ACAD8: variants seen among roughly 807,000 people sequenced by gnomAD.
ACAD8 encodes the protein acyl-CoA dehydrogenase family member 8.
In ACAD8, 47 loss-of-function variants were observed where a neutral mutation model predicts 53.1. That is an observed-to-expected ratio of 0.89 (90% CI 0.70 to 1.13). The LOEUF (loss-of-function observed/expected upper bound fraction) is 1.13, where lower values mean the gene tolerates loss of function less well. Ranked by LOEUF, ACAD8 falls within the 50% of genes most tolerant of loss-of-function variation. The probability of loss-of-function intolerance (pLI) is 0.00; values close to 1 mark genes in which losing one functional copy is unlikely to be tolerated. For synonymous variants in ACAD8, 198 were observed against 201.3 expected, an observed-to-expected ratio of 0.98 and a Z score of 0.14; for missense variants, 494 against 535.0, an observed-to-expected ratio of 0.92 and a Z score of 0.76.
Position 134,261,462 on chromosome 11 carries a change from A to G in ACAD8, c.939+90A>G. The G allele has an allele frequency of 1.3e-6, 2 of 1,544,278 alleles. No individual in the cohort carries two copies. Among genetic ancestry groups the G allele is most frequent in the Non-Finnish European group, 1.8e-6 (2 of 1,120,642 alleles). On this transcript the variant is annotated intron_variant, in intron 8 of 10. Transcript: ENST00000281182. This position sits in a 1 kb window ranked among gnomAD's most constrained non-coding sequence, Gnocchi z 4.2. ...CACATTTCCAGGAGAGAAGCCAGGA[A>G]ATTCCTCTGTCAGTCCCACCACTGT...
chr11:134,257,260 G>A lies in ACAD8; in HGVS notation c.380+3G>A. On this transcript the variant is annotated splice_donor_region_variant and intron_variant, in intron 3 of 10. Coordinates refer to ENST00000281182, the MANE Select transcript of ACAD8 (RefSeq NM_014384.3). The stretch of plus-strand genomic sequence containing the variant: ...ACAGCCTATATAAGCATCCACAAGT[G>A]AGTGCCCAAGCTTGGAAGGCACAAT... 1.2e-6 allele frequency: 2 copies of A among 1,614,146 alleles called. No individual in the cohort carries two copies. Among genetic ancestry groups the A allele is most frequent in the South Asian group, 1.1e-5 (1 of 91,082 alleles).
intron 10 of ACAD8, 91 bp downstream of exon 10, chr11:134,262,713 CAG>C (rs1283828975): frequency 1.3e-6 from 2 of 1,524,176 alleles, no homozygotes; most frequent in African/African-American, 2.8e-5. Context: ...TCCTGGGCCT[CAG>C]GGTGCAGTCA....
Position 134,264,907 on chromosome 11 carries a change from GGTAGCAAT to G in ACAD8, c.1197_1204del (p.Asn401AspfsTer7). The G allele has an allele frequency of 6.2e-7, 1 of 1,614,058 alleles. No individual in the cohort carries two copies. On this transcript the variant is annotated frameshift_variant and splice_region_variant, in exon 11 of 11. Transcript: ENST00000281182. LOFTEE classifies it high-confidence loss of function. ...TTCTTCCTCCTTCCTCCCTCTTACA[GGTAGCAAT>G]GAAGTGATGAGGATACTGATCTCTA...
intron 1 of ACAD8, 90 bp downstream of exon 1, chr11:134,253,799 A>G: frequency 7.5e-7 from 1 of 1,325,718 alleles, no homozygotes. Flanking sequence ...CGTTCCATCC[A>G]GTCACCCCGG....
At chr11:134,257,639 T>TCCA in intron 3 of ACAD8, 1 of 322,628 alleles carries the variant, frequency 3.1e-6, no homozygotes, top group South Asian at 2.7e-5. Flanking sequence ...ACCACTGCAC[T>TCCA]CCAGCCTGGG....
chr11:134,257,772 A>G (rs1234329034), intron 3 of ACAD8: 1 of 184,242 alleles, frequency 5.4e-6, no homozygotes, highest in Non-Finnish European at 1.2e-5. Flanking sequence ...CAGGTCAGCC[A>G]GCTTTCTCAG....
chr11:134,262,761 G>A (rs1007000309), intron 10 of ACAD8, 139 bp downstream of exon 10: 30 of 1,504,426 alleles, frequency 2.0e-5, no homozygotes, highest in African/African-American at 9.7e-5. Flanking sequence ...CCTCCCTCCC[G>A]TTCCGCAGAG....
chr11:134,261,949 T>G lies in ACAD8; in HGVS notation c.1092+59T>G, dbSNP rs970568363. On this transcript the variant is annotated intron_variant, in intron 9 of 10. Transcript: ENST00000281182. This position sits in a 1 kb window ranked among gnomAD's most constrained non-coding sequence, Gnocchi z 4.2. ...AGGGAACAGCTGCTAGGCCCAGGGG[T>G]CTTGAGAGACATGAGTCAGATTTGG... 14 of 1,596,366 alleles carry G rather than the reference T, an allele frequency of 8.8e-6. No individual in the cohort carries two copies. Among genetic ancestry groups the G allele is most frequent in the Admixed American group, 3.4e-5 (2 of 59,194 alleles).
At chr11:134,253,927 G>T (rs1939293088) in intron 1 of ACAD8, among the ~76,000 whole-genome samples, 1 of 148,934 alleles carries the variant, frequency 6.7e-6, no homozygotes, top group Admixed American at 6.6e-5. Flanking sequence ...CATCTGGCCC[G>T]TCACCCCTGC....
intron 2 of ACAD8, 72 bp from the exon 3 acceptor site, chr11:134,257,016 C>T: frequency 1.3e-6 from 2 of 1,530,858 alleles, no homozygotes; most frequent in Non-Finnish European, 9.1e-7. Context: ...CTCCTAATCC[C>T]TCACTGTGCC....
intron 1 of ACAD8, among the ~76,000 whole-genome samples, chr11:134,254,072 G>T (rs1334936295): frequency 6.6e-6 from 1 of 151,900 alleles, no homozygotes; most frequent in Admixed American, 6.6e-5. Flanking sequence ...TTCCCCTCCG[G>T]CCCGGGTCCT....
At chr11:134,254,855 A>G (rs1299591821) in intron 1 of ACAD8, among the ~76,000 whole-genome samples, 1 of 152,194 alleles carries the variant, frequency 6.6e-6, no homozygotes, top group African/African-American at 2.4e-5. Context: ...GTAACTATGT[A>G]TTGGCATCTT....
chr11:134,253,712 A>G lies in ACAD8; in HGVS notation c.109+3A>G. ...GAGCTTGACCTCCTGCATCGACCGT[A>G]AGGATCTCCTGGCGGGCAGTAGGAC... On this transcript the variant is annotated splice_donor_region_variant and intron_variant, in intron 1 of 10. Transcript: ENST00000281182. 1 of 1,592,948 alleles carries G rather than the reference A, an allele frequency of 6.3e-7. No homozygotes were observed. Among genetic ancestry groups the G allele is most frequent in the Non-Finnish European group, 8.5e-7 (1 of 1,170,860 alleles).
In ACAD8 at chr11:134,259,647, G is replaced by A. The variant is rs759877257; in HGVS notation, c.607G>A (p.Val203Ile). Residue 203 changes from valine to isoleucine, a missense_variant, in exon 6 of 11, where the codon GTC becomes ATC. Physicochemically the swap from Val to Ile is conservative, Grantham distance 29. Coordinates refer to ENST00000281182, the MANE Select transcript of ACAD8 (RefSeq NM_014384.3). ...TGCTGGTGAGTCAGACATCTATGTG[G>A]TCATGTGCCGAACAGGAGGACCAGG... ...SGAGESDIYV[V>I]MCRTGGPGPK... is the part of the protein sequence containing the mutation. The A allele has an allele frequency of 8.9e-5, 143 of 1,614,096 alleles. No individual in the cohort carries two copies. The highest frequency in any genetic ancestry group is 1.1e-4 in the Non-Finnish European group (125 of 1,180,044).
At chr11:134,262,948 C>T (rs1015607185) in intron 10 of ACAD8, 4 of 1,263,080 alleles carry the variant, frequency 3.2e-6, no homozygotes, top group Non-Finnish European at 4.1e-6. Flanking sequence ...TTATCGAGTA[C>T]GTGGTTCTCA....
At chr11:134,264,287 G>A (rs969880754) in intron 10 of ACAD8, among the ~76,000 whole-genome samples, 2 of 152,210 alleles carry the variant, frequency 1.3e-5, no homozygotes, top group Non-Finnish European at 2.9e-5. Context: ...GGAGGTTGCA[G>A]TGAGCTGAGA....
Position 134,253,593 on chromosome 11 carries a change from C to T in ACAD8, c.-8C>T. 9 of 1,575,854 alleles carry T rather than the reference C, an allele frequency of 5.7e-6. No homozygotes were observed. The highest frequency in any genetic ancestry group is 7.7e-6 in the Non-Finnish European group (9 of 1,163,306). On this transcript the variant is annotated 5_prime_UTR_variant, in exon 1 of 11. Coordinates refer to ENST00000281182, the MANE Select transcript of ACAD8 (RefSeq NM_014384.3). The stretch of plus-strand genomic sequence containing the variant: ...AGACTCTTAGCTGAACGCGGAGCTG[C>T]GGCGGCTATGCTGTGGAGCGGCTGC...
intron 10 of ACAD8, chr11:134,263,606 G>A (rs1468996003): frequency 2.6e-5 from 26 of 985,254 alleles, no homozygotes; most frequent in Non-Finnish European, 2.7e-5. Flanking sequence ...GATGTTTATG[G>A]GCTCAGTCGC....
At chr11:134,256,442 T>C (rs1406938559) in intron 1 of ACAD8, 106 bp from the exon 2 acceptor site, 1 of 841,540 alleles carries the variant, frequency 1.2e-6, no homozygotes, top group Non-Finnish European at 2.0e-6. Flanking sequence ...GTATGGGAAA[T>C]ACTACAGTAG....
Sources: allele counts gnomAD v4.1 joint callset (sites outside exome capture counted in the v4.1 genomes callset), GRCh38; gene constraint gnomAD v4.1.1; non-coding constraint Gnocchi (gnomAD v3.1); transcripts MANE v1.5; gene names NCBI Gene and HGNC (gene_info 2026-07-23, HGNC 2026-07-21).